The following LMLN variants were observed in gnomAD, a reference collection of about 807,000 sequenced individuals.
The protein encoded by LMLN is leishmanolysin-like peptidase.
In LMLN, 70 loss-of-function variants were observed where a neutral mutation model predicts 92.3. The observed-to-expected ratio is 0.76, with a 90% CI of 0.63 to 0.92. LMLN has a LOEUF of 0.92. Ranked by LOEUF, LMLN falls within the 40% of genes least tolerant of loss-of-function variation. LMLN has a pLI of 0.00. For synonymous variants in LMLN, 308 were observed against 296.2 expected (o/e 1.04, Z -0.41); for missense variants, 691 against 814.6 (o/e 0.85, Z 1.85).
chr3:197,971,402 A>G (rs1483887676), intron 1 of LMLN, among the ~76,000 whole-genome samples: 1 of 152,326 alleles, frequency 6.6e-6, no homozygotes, highest in African/African-American at 2.4e-5. Context: ...TGAGAACAGC[A>G]TGGGGAAACA....
Position 197,975,330 on chromosome 3 carries a change from T to G in LMLN, c.348+258T>G, listed in dbSNP as rs568382104. ...TTTTCTGCTTGCTTTCTCAAGTTTT[T>G]GGGGAGCAAATCATGCAGAGAATAG... On this transcript the variant is annotated intron_variant, in intron 3 of 15. Coordinates refer to ENST00000330198, the Ensembl canonical transcript of LMLN. Among the ~76,000 whole-genome samples, 10 of 152,090 alleles carry G rather than the reference T, an allele frequency of 6.6e-5. No homozygotes were observed. In the East Asian group the frequency reaches 1.9e-3, roughly 29 times the overall value.
At position 197,960,538 on chromosome 3, in the gene LMLN, G is replaced by T. The variant is rs1199407356; in HGVS notation, c.219+98G>T. 5 of 1,169,830 alleles carry T rather than the reference G, an allele frequency of 4.3e-6. No individual in the cohort carries two copies. The Admixed American group carries it at 1.2e-4, about 27-fold the overall frequency. 72.5% of individuals were successfully genotyped at this position (1,169,830 alleles called of 1,614,324 possible). ...GACTGGGAGAAGGTGTCCTGGATGA[G>T]AAAGCGAAATTGGGGCAGAGCCTGA... On this transcript the variant is annotated intron_variant, in intron 1 of 15. Transcript: ENST00000330198.
At chr3:198,001,004 A>G (rs1722157629) in intron 11 of LMLN, among the ~76,000 whole-genome samples, 1 of 152,158 alleles carries the variant, frequency 6.6e-6, no homozygotes, top group Admixed American at 6.5e-5. Flanking sequence ...ACAACTCACT[A>G]ATACTCAGAA....
At chr3:198,015,105 C>T (rs1446163132) in intron 11 of LMLN, among the ~76,000 whole-genome samples, 4 of 146,178 alleles carry the variant, frequency 2.7e-5, no homozygotes, top group African/African-American at 5.2e-5. Context: ...CTTCAGAGTC[C>T]CCTAACTAGT....
chr3:198,020,812 G>A (rs1256976924), intron 12 of LMLN, among the ~76,000 whole-genome samples: 1 of 124,400 alleles, frequency 8.0e-6, no homozygotes, highest in Admixed American at 8.5e-5. Context: ...GTAGAGACGG[G>A]GTTTCACTAT....
chr3:197,965,241 A>G (rs1002859770), intron 1 of LMLN, among the ~76,000 whole-genome samples: 1 of 151,086 alleles, frequency 6.6e-6, no homozygotes, highest in African/African-American at 2.4e-5. Flanking sequence ...TTGGTCTTGA[A>G]CTCCCAGTTT....
chr3:197,984,879 G>A (rs1471145733), intron 7 of LMLN, among the ~76,000 whole-genome samples: 1 of 151,592 alleles, frequency 6.6e-6, no homozygotes, highest in Non-Finnish European at 1.5e-5. Context: ...GTCTCGCCAT[G>A]TTGCCCAGGC....
At chr3:198,035,365 T>TTTG (rs1000404148) in intron 14 of LMLN, among the ~76,000 whole-genome samples, 1 of 142,110 alleles carries the variant, frequency 7.0e-6, no homozygotes, top group African/African-American at 2.7e-5. Flanking sequence ...CTTTTGGTTT[T>TTTG]TTTTTTTTTT....
At chr3:197,969,277 A>T (rs547408380) in intron 1 of LMLN, among the ~76,000 whole-genome samples, 1,524 of 146,930 alleles carry the variant, frequency 0.01, 28 homozygotes, top group African/African-American at 0.036. Flanking sequence ...ATATATATAT[A>T]TTTTTTTTAG....
intron 1 of LMLN, 113 bp from the exon 2 acceptor site, chr3:197,974,264 G>A (rs1172705209): frequency 1.6e-6 from 1 of 637,538 alleles, no homozygotes; most frequent in African/African-American, 1.9e-5. Flanking sequence ...ATGGGTCACA[G>A]AACTTTTTCT....
chr3:198,036,060 G>A lies in LMLN; in HGVS notation c.1867+17G>A, dbSNP rs753038468. The A allele has an allele frequency of 1.2e-6, 2 of 1,605,842 alleles. No individual in the cohort carries two copies. Among genetic ancestry groups the A allele is most frequent in the East Asian group, 4.5e-5 (2 of 44,840 alleles). On this transcript the variant is annotated intron_variant, in intron 15 of 15. Coordinates refer to ENST00000330198, the Ensembl canonical transcript of LMLN. ...TGCCACTTGGTGAGTGCTCTCTATG[G>A]TTGGAATAAAGAGGGAAAAGTGAAG...
Position 198,027,371 on chromosome 3 carries a change from G to A in LMLN, c.1656+2583G>A, listed in dbSNP as rs1050312072. 1.1e-4 allele frequency among the ~76,000 whole-genome samples: 16 copies of A among 151,400 alleles called. No homozygotes were observed. In the East Asian group the frequency reaches 3.1e-3, roughly 29 times the overall value. On this transcript the variant is annotated intron_variant, in intron 14 of 15. Transcript: ENST00000330198. ...CACTGGGCTTTTTTTTCTTAAAATT[G>A]TGGCAAAATATATATAACATAAACA...
At chr3:197,963,259 A>G (rs1490155280) in intron 1 of LMLN, among the ~76,000 whole-genome samples, 5 of 149,340 alleles carry the variant, frequency 3.3e-5, no homozygotes, top group Non-Finnish European at 7.4e-5. Flanking sequence ...GCTGGAGTGC[A>G]GTGGCAGAAT....
chr3:198,036,595 A>C (rs1286629609), intron 15 of LMLN, among the ~76,000 whole-genome samples: 1 of 152,102 alleles, frequency 6.6e-6, no homozygotes, highest in African/African-American at 2.4e-5. Flanking sequence ...ACTCCAGAGA[A>C]TGGAACTGGC....
intron 6 of LMLN, 166 bp downstream of exon 6, chr3:197,980,670 T>A (rs1242055292): frequency 1.7e-6 from 1 of 585,258 alleles, no homozygotes; most frequent in African/African-American, 1.9e-5. Context: ...GAGACCGTGA[T>A]TAGACTGTTA....
In LMLN at chr3:198,026,024, C is replaced by T. The variant is rs577340891; in HGVS notation, c.1656+1236C>T. ...CAGGCTAGAGACAATGGTGCGATCA[C>T]GCTCACTGCAGCCACGAACTCCCAG... On this transcript the variant is annotated intron_variant, in intron 14 of 15. Transcript: ENST00000330198. 6.6e-5 allele frequency among the ~76,000 whole-genome samples: 10 copies of T among 151,716 alleles called. No individual in the cohort carries two copies. The South Asian group carries it at 1.0e-3, about 16-fold the overall frequency.
intron 10 of LMLN, among the ~76,000 whole-genome samples, chr3:197,998,619 C>G (rs529545094): frequency 1.0e-3 from 159 of 151,938 alleles, no homozygotes; most frequent in African/African-American, 3.6e-3. Context: ...ATCTGGTGTT[C>G]AATGGAAAGA....
chr3:197,963,613 G>T (rs1412472592), intron 1 of LMLN, among the ~76,000 whole-genome samples: 1 of 152,204 alleles, frequency 6.6e-6, no homozygotes, highest in Admixed American at 6.5e-5. Context: ...TACACTGCTA[G>T]TAGGTAGAAA....
intron 5 of LMLN, among the ~76,000 whole-genome samples, chr3:197,978,817 C>A (rs1246289938): frequency 6.6e-6 from 1 of 152,004 alleles, no homozygotes; most frequent in East Asian, 1.9e-4. Flanking sequence ...ACGGTGAAAC[C>A]TTCTGTCTAC....
Sources: gnomAD v4.1 joint callset for allele counts (sites outside exome capture counted in the v4.1 genomes callset) on GRCh38, gnomAD v4.1.1 for gene constraint, MANE v1.5 for transcripts, NCBI Gene and HGNC (gene_info 2026-07-23, HGNC 2026-07-21) for gene names.